PPP1R36: variants seen among roughly 807,000 people sequenced by gnomAD.
PPP1R36 encodes the protein chromosome 14 open reading frame 50.
Under a neutral mutation model 53.4 loss-of-function variants are expected in PPP1R36, and 47 were observed. The ratio of observed to expected loss-of-function variants is 0.88; its 90% CI spans 0.70 to 1.12. PPP1R36 has a LOEUF of 1.12. PPP1R36 is among the 50% of genes most tolerant of loss of function. The pLI, the probability that PPP1R36 is intolerant of heterozygous loss-of-function variation, is 0.00. For synonymous variants in PPP1R36, 153 were observed against 170.5 expected (o/e 0.90, Z 0.80); for missense variants, 456 against 513.9 (o/e 0.89, Z 1.09).
intron 3 of PPP1R36, 159 bp downstream of exon 3, chr14:64,553,020 G>T: frequency 1.8e-6 from 1 of 558,354 alleles, no homozygotes; most frequent in Non-Finnish European, 3.2e-6. Flanking sequence ...TGCCCAGGCT[G>T]GTGGACAGTG....
intron 8 of PPP1R36, among the ~76,000 whole-genome samples, chr14:64,584,705 G>T (rs2080417051): frequency 6.6e-6 from 1 of 152,198 alleles, no homozygotes. Flanking sequence ...TCCCTAATTA[G>T]ATATATGTCT....
intron 8 of PPP1R36, among the ~76,000 whole-genome samples, chr14:64,582,457 G>C (rs1033011730): frequency 1.3e-5 from 2 of 152,208 alleles, no homozygotes; most frequent in Non-Finnish European, 2.9e-5. Context: ...CTACCAGGCT[G>C]GCTTTCCCCT....
chr14:64,581,635 G>T, intron 8 of PPP1R36, among the ~76,000 whole-genome samples: 1 of 148,640 alleles, frequency 6.7e-6, no homozygotes, highest in African/African-American at 2.5e-5. Flanking sequence ...TGGGGGTGGG[G>T]GTGGGGTGGC....
At chr14:64,567,042 G>C (rs1260156849) in intron 6 of PPP1R36, among the ~76,000 whole-genome samples, 1 of 152,168 alleles carries the variant, frequency 6.6e-6, no homozygotes, top group Non-Finnish European at 1.5e-5. Context: ...CAACTAAACT[G>C]TTCACTTTCA....
intron 6 of PPP1R36, among the ~76,000 whole-genome samples, chr14:64,567,818 C>T (rs1199189942): frequency 2.0e-5 from 3 of 152,222 alleles, no homozygotes; most frequent in Middle Eastern, 3.4e-3. Context: ...TGCACCACCA[C>T]GCCCGGCTAA....
intron 3 of PPP1R36, among the ~76,000 whole-genome samples, chr14:64,554,152 T>TTTG (rs2080124401): frequency 2.1e-5 from 3 of 142,536 alleles, no homozygotes; most frequent in Admixed American, 6.9e-5. Flanking sequence ...GTTTTTTTTT[T>TTTG]TTTTTTTTTT....
At chr14:64,556,761 A>AGTGTGTGTGTGTGT (rs1566648715) in intron 3 of PPP1R36, among the ~76,000 whole-genome samples, 2 of 42,548 alleles carry the variant, frequency 4.7e-5, no homozygotes, top group Admixed American at 2.4e-4. Context: ...ATCTCCAAAA[A>AGTGTGTGTGTGTGT]ATGTGTGTGT....
chr14:64,550,373 C>T (rs1200610421), intron 1 of PPP1R36: 2 of 926,126 alleles, frequency 2.2e-6, no homozygotes, highest in Middle Eastern at 4.1e-4. Flanking sequence ...GAAGCAGCCC[C>T]GCTCTGGATA....
intron 7 of PPP1R36, among the ~76,000 whole-genome samples, chr14:64,571,416 C>T (rs999935045): frequency 2.1e-4 from 32 of 152,082 alleles, no homozygotes; most frequent in African/African-American, 7.5e-4. Context: ...CCTGAGCCAC[C>T]GTGCCCAGCC....
chr14:64,564,664 T>C lies in PPP1R36; in HGVS notation c.183-87T>C, dbSNP rs1188242422. ...TCTCAGATCTGCTGATAATATATGCTAGTCCAAAGATTATGAGCTATGATA... is the reference window on the plus strand; with the variant it reads ...TCTCAGATCTGCTGATAATATATGCCAGTCCAAAGATTATGAGCTATGATA... On this transcript the variant is annotated intron_variant, in intron 3 of 11. Coordinates refer to ENST00000298705, the MANE Select transcript of PPP1R36 (RefSeq NM_172365.3). 5 of 828,056 alleles carry C rather than the reference T, an allele frequency of 6.0e-6. No homozygotes were observed. The Admixed American group carries it at 1.1e-4, about 19-fold the overall frequency. The allele number at this position is 828,056 out of a possible 1,614,324, so 51.3% of individuals were successfully genotyped here.
At chr14:64,552,905 A>G (rs1345539736) in intron 3 of PPP1R36, 44 bp downstream of exon 3, 2 of 1,527,728 alleles carry the variant, frequency 1.3e-6, no homozygotes, top group Admixed American at 1.7e-5. Context: ...GATTAGACAG[A>G]CAAGATAGTT....
chr14:64,572,092 T>C lies in PPP1R36; in HGVS notation c.534-2363T>C, dbSNP rs1327612156. Among the ~76,000 whole-genome samples the C allele has an allele frequency of 3.9e-5, 6 of 152,322 alleles. No individual in the cohort carries two copies. In the South Asian group the frequency reaches 1.0e-3, roughly 26 times the overall value. On this transcript the variant is annotated intron_variant, in intron 7 of 11. Coordinates refer to ENST00000298705, the MANE Select transcript of PPP1R36 (RefSeq NM_172365.3). ...TTTTGGCAGTTTCTAATTTTTCTGA[T>C]ATATAAATAATGATTGCATTGAATA...
chr14:64,551,047 A>G, intron 2 of PPP1R36, 62 bp downstream of exon 2: 1 of 1,102,126 alleles, frequency 9.1e-7, no homozygotes, highest in Non-Finnish European at 1.4e-6. Flanking sequence ...GGGGGAAAAA[A>G]AAGCAACAGA....
intron 3 of PPP1R36, among the ~76,000 whole-genome samples, chr14:64,554,507 A>G (rs1459944426): frequency 6.6e-6 from 1 of 151,996 alleles, no homozygotes; most frequent in Non-Finnish European, 1.5e-5. Flanking sequence ...GTTAGTTCAA[A>G]CCTATCTGTT....
intron 8 of PPP1R36, among the ~76,000 whole-genome samples, chr14:64,582,081 A>G (rs1393442642): frequency 6.6e-6 from 1 of 152,136 alleles, no homozygotes; most frequent in Non-Finnish European, 1.5e-5. Context: ...CTGACGGGGA[A>G]AAAGGGAGTC....
chr14:64,574,213 C>T (rs543623458), intron 7 of PPP1R36, among the ~76,000 whole-genome samples: 25 of 152,052 alleles, frequency 1.6e-4, no homozygotes, highest in African/African-American at 5.1e-4. Context: ...TGCCTCTACA[C>T]AAAATAAAAA....
chr14:64,553,795 A>G (rs2080117747), intron 3 of PPP1R36, among the ~76,000 whole-genome samples: 1 of 141,404 alleles, frequency 7.1e-6, no homozygotes, highest in Admixed American at 7.0e-5. Context: ...TTTAAGATTT[A>G]TGCACCTTAC....
At chr14:64,584,987 G>A (rs1279182773) in intron 8 of PPP1R36, among the ~76,000 whole-genome samples, 1 of 152,180 alleles carries the variant, frequency 6.6e-6, no homozygotes, top group Non-Finnish European at 1.5e-5. Flanking sequence ...AATATATAAT[G>A]AAGAGAGTCT....
intron 8 of PPP1R36, among the ~76,000 whole-genome samples, chr14:64,585,458 C>T (rs1455489601): frequency 4.8e-5 from 7 of 145,116 alleles, no homozygotes; most frequent in East Asian, 2.0e-4. Context: ...TCAGGGCTGC[C>T]GTGAGCCATG....
Sources: allele counts gnomAD v4.1 joint callset (sites outside exome capture counted in the v4.1 genomes callset), GRCh38; gene constraint gnomAD v4.1.1; transcripts MANE v1.5; gene names NCBI Gene and HGNC (gene_info 2026-07-23, HGNC 2026-07-21).